Variants in TOM1L2 observed in about 807,000 individuals in gnomAD.
TOM1L2 encodes target of myb1 like 2 membrane trafficking protein, also known as TOM1-like protein 2.
Under a neutral mutation model 67.9 loss-of-function variants are expected in TOM1L2, and 31 were observed. The ratio of observed to expected loss-of-function variants is 0.46; its 90% CI spans 0.34 to 0.62. The LOEUF (loss-of-function observed/expected upper bound fraction) is 0.62. Among genes scored for constraint, TOM1L2 ranks in the 20% least tolerant of loss-of-function variants. The pLI, the probability that TOM1L2 is intolerant of heterozygous loss-of-function variation, is 0.01. For missense variants in TOM1L2, 606 were observed against 663.5 expected (o/e 0.91, Z 0.95); for synonymous variants, 256 against 254.0 (o/e 1.01, Z -0.07).
At chr17:17,935,097 T>G (rs1244719559) in intron 1 of TOM1L2, among the ~76,000 whole-genome samples, 3 of 152,184 alleles carry the variant, frequency 2.0e-5, no homozygotes, top group Non-Finnish European at 4.4e-5. Context: ...TAAGAAAAGT[T>G]TTTCCAATTG....
At chr17:17,852,286 T>G (rs2036019677) in intron 12 of TOM1L2, among the ~76,000 whole-genome samples, 1 of 152,144 alleles carries the variant, frequency 6.6e-6, no homozygotes, top group Admixed American at 6.5e-5. Flanking sequence ...ATGTGACAAC[T>G]CCAGTCCTGG....
At chr17:17,854,845 A>T (rs1239851143) in intron 12 of TOM1L2, among the ~76,000 whole-genome samples, 1 of 152,104 alleles carries the variant, frequency 6.6e-6, no homozygotes, top group Non-Finnish European at 1.5e-5. Context: ...GACATGCCAT[A>T]GTTTCAGCAT....
chr17:17,923,178 G>A (rs1265979871), intron 1 of TOM1L2, among the ~76,000 whole-genome samples: 4 of 151,796 alleles, frequency 2.6e-5, no homozygotes, highest in Non-Finnish European at 4.4e-5. Flanking sequence ...CAGGCGGATC[G>A]CCTGAGATCA....
rs369187930 is a variant in TOM1L2 at position 17,866,365 on chromosome 17, C to A, written c.1015G>T (p.Ala339Ser). The A allele has an allele frequency of 1.9e-4, 301 of 1,609,468 alleles. No individual in the cohort carries two copies. Among genetic ancestry groups the A allele is most frequent in the Non-Finnish European group, 2.5e-4 (297 of 1,177,790 alleles). ...NLIDLGPGSP[A>S]VVSPMVGNTA... ...TTCCCCACCATTGGGCTCACCACGGCTGGAGACCCTGGCCCCAGGTCTATT... is the reference window on the plus strand; with the variant it reads ...TTCCCCACCATTGGGCTCACCACGGATGGAGACCCTGGCCCCAGGTCTATT... The change falls in exon 10 of 15, where the codon GCC (alanine) becomes TCC (serine). Residue 339 changes from alanine to serine, a missense_variant. By Grantham distance (99) the Ala-to-Ser change is moderately conservative (BLOSUM62 1). Around this residue, in one of 2 missense-constraint regions of TOM1L2, gnomAD observed 543 missense variants for 554.0 expected, o/e 0.98. Coordinates refer to ENST00000379504, the MANE Select transcript of TOM1L2 (RefSeq NM_001082968.2).
intron 5 of TOM1L2, among the ~76,000 whole-genome samples, chr17:17,884,303 C>T (rs1228907366): frequency 6.6e-6 from 1 of 152,174 alleles, no homozygotes; most frequent in Admixed American, 6.5e-5. Context: ...TGAGGGACAA[C>T]AGGATTCCCA....
intron 1 of TOM1L2, among the ~76,000 whole-genome samples, chr17:17,957,546 CAA>C (rs997479775): frequency 2.0e-5 from 3 of 151,834 alleles, no homozygotes; most frequent in African/African-American, 7.3e-5. Context: ...AAAATTATAA[CAA>C]AATGTATGCA....
intron 1 of TOM1L2, among the ~76,000 whole-genome samples, chr17:17,962,115 A>G (rs936991231): frequency 6.6e-6 from 1 of 152,236 alleles, no homozygotes; most frequent in African/African-American, 2.4e-5. Flanking sequence ...TCAGTCATGA[A>G]AGGATAAATA....
At chr17:17,962,765 C>G (rs750960868) in intron 1 of TOM1L2, among the ~76,000 whole-genome samples, 15 of 152,018 alleles carry the variant, frequency 9.9e-5, no homozygotes, top group Non-Finnish European at 1.8e-4. Context: ...TCGAGACCAA[C>G]CTGGCCAACA....
intron 1 of TOM1L2, among the ~76,000 whole-genome samples, chr17:17,913,334 C>T (rs957202721): frequency 6.6e-6 from 1 of 150,676 alleles, no homozygotes; most frequent in Non-Finnish European, 1.5e-5. Context: ...ATGGACAGAA[C>T]TGGAAACTGG....
chr17:17,894,010 C>T (rs532155337), intron 3 of TOM1L2, among the ~76,000 whole-genome samples, 200 bp from the exon 4 acceptor site: 2 of 152,358 alleles, frequency 1.3e-5, no homozygotes, highest in East Asian at 3.9e-4. Context: ...CAGCCCCTTA[C>T]TGACTGAAGT....
chr17:17,970,832 G>A (rs910616961), intron 1 of TOM1L2, among the ~76,000 whole-genome samples: 2 of 152,126 alleles, frequency 1.3e-5, no homozygotes, highest in Non-Finnish European at 2.9e-5. Context: ...CTGAAATCAG[G>A]CCCATAAGAA....
At chr17:17,921,888 C>T (rs1257890009) in intron 1 of TOM1L2, among the ~76,000 whole-genome samples, 1 of 152,142 alleles carries the variant, frequency 6.6e-6, no homozygotes, top group African/African-American at 2.4e-5. Context: ...CATTCACCAC[C>T]AGCACTCTCA....
At chr17:17,913,087 T>G (rs1032714907) in intron 1 of TOM1L2, among the ~76,000 whole-genome samples, 40 of 151,528 alleles carry the variant, frequency 2.6e-4, no homozygotes, top group Non-Finnish European at 4.6e-4. Context: ...CTCGGCAGGC[T>G]GAGGCAGGAG....
At chr17:17,878,417 C>T (rs1268898571) in intron 7 of TOM1L2, among the ~76,000 whole-genome samples, 6 of 152,232 alleles carry the variant, frequency 3.9e-5, no homozygotes, top group Admixed American at 3.9e-4. Flanking sequence ...CTGCAAGCTC[C>T]AGGGACCACA....
chr17:17,872,375 C>T (rs1339179666), intron 7 of TOM1L2, among the ~76,000 whole-genome samples: 1 of 152,208 alleles, frequency 6.6e-6, no homozygotes, highest in Admixed American at 6.5e-5. Flanking sequence ...AGCATCTGTT[C>T]AGGGCTGACA....
chr17:17,948,663 G>A (rs577068501), intron 1 of TOM1L2, among the ~76,000 whole-genome samples: 1 of 152,042 alleles, frequency 6.6e-6, no homozygotes, highest in Admixed American at 6.5e-5. Context: ...AAAAAAAAAG[G>A]TGGCCCTTTC....
At chr17:17,867,310 C>T (rs2036906120) in intron 8 of TOM1L2, among the ~76,000 whole-genome samples, 2 of 152,154 alleles carry the variant, frequency 1.3e-5, no homozygotes, top group Admixed American at 6.5e-5. Flanking sequence ...GTGTTCCTAA[C>T]ATGCTCCCAA....
chr17:17,907,486 T>G lies in TOM1L2; in HGVS notation c.98A>C (p.Asn33Thr), dbSNP rs528653796. Residue 33 changes from asparagine (N) to threonine (T), a missense_variant, in exon 2 of 15, where the codon AAT becomes ACT. By Grantham distance (65) the Asn-to-Thr change is moderately conservative (BLOSUM62 0). This residue lies in a region of TOM1L2 where 63 missense variants were observed against 109.5 expected (regional missense o/e 0.58). Transcript: ENST00000379504. ...GSLQSEDWTL[N>T]MEICDIINET... ...ATTGATGATGTCACAGATCTCCATA[T>G]TCAACGTCCAATCCTCACTTTGCAG... The G allele has an allele frequency of 1.4e-5, 22 of 1,614,044 alleles. No individual in the cohort carries two copies. Among genetic ancestry groups the G allele is most frequent in the Non-Finnish European group, 1.9e-5 (22 of 1,180,006 alleles).
Position 17,884,726 on chromosome 17 carries a change from C to T in TOM1L2, c.409G>A (p.Val137Ile), listed in dbSNP as rs200120270. The T allele has an allele frequency of 2.0e-5, 33 of 1,613,738 alleles. No homozygotes were observed. The highest frequency in any genetic ancestry group is 6.7e-5 in the African/African-American group (5 of 74,880). Reference protein sequence around the residue: ...AFRSSPDLTGVVHIYEELKRK... With the variant: ...AFRSSPDLTGIVHIYEELKRK... ...TTCAGCTCCTCATATATGTGCACAA[C>T]GCCGGTGAGATCAGGACTGCTTCGA... Residue 137 changes from valine to isoleucine, a missense_variant, in exon 5 of 15, where the codon GTT becomes ATT. Physicochemically the swap from Val to Ile is conservative, Grantham distance 29. Transcript: ENST00000379504.
Sources: allele counts gnomAD v4.1 joint callset (sites outside exome capture counted in the v4.1 genomes callset), GRCh38; gene constraint gnomAD v4.1.1; regional missense constraint gnomAD v4.1.1; transcripts MANE v1.5; gene names NCBI Gene and HGNC (gene_info 2026-07-23, HGNC 2026-07-21).